SS18: variants seen among roughly 807,000 people sequenced by gnomAD.
SS18 encodes the protein SS18 subunit of BAF chromatin remodeling complex.
SS18 carries 28 observed loss-of-function variants against 72.5 expected under a neutral mutation model. The ratio of observed to expected loss-of-function variants is 0.39; its 90% CI spans 0.29 to 0.53. The LOEUF (loss-of-function observed/expected upper bound fraction) is 0.53, where lower values mean the gene tolerates loss of function less well. Ranked by LOEUF, SS18 falls within the 20% of genes least tolerant of loss-of-function variation. The pLI is 0.76. For missense variants in SS18, 518 were observed against 535.3 expected (o/e 0.97, Z 0.32); for synonymous variants, 172 against 164.2 (o/e 1.05, Z -0.37).
intron 10 of SS18, among the ~76,000 whole-genome samples, chr18:26,030,346 CTTATATAT>C (rs2053523282): frequency 1.3e-5 from 2 of 152,174 alleles, no homozygotes; most frequent in South Asian, 4.1e-4. Context: ...GTACTTCACA[CTTATATAT>C]AATATTTCCG....
chr18:26,087,718 C>T, intron 1 of SS18, 141 bp from the exon 2 acceptor site: 1 of 471,282 alleles, frequency 2.1e-6, no homozygotes, highest in South Asian at 4.8e-5. Context: ...AAATACTGTC[C>T]CCTGCAAACA....
At chr18:26,027,586 C>T (rs1259295995) in intron 10 of SS18, among the ~76,000 whole-genome samples, 6 of 141,488 alleles carry the variant, frequency 4.2e-5, no homozygotes, top group Non-Finnish European at 3.0e-5. Flanking sequence ...GCAGGAGAAT[C>T]GCTTGAACCC....
At chr18:26,064,542 A>G (rs530099109) in intron 3 of SS18, among the ~76,000 whole-genome samples, 157 of 139,308 alleles carry the variant, frequency 1.1e-3, no homozygotes, top group Non-Finnish European at 1.7e-3. Context: ...CAACAGATAA[A>G]GAAAAGAATT....
intron 4 of SS18, among the ~76,000 whole-genome samples, chr18:26,057,248 A>G (rs1282250639): frequency 2.0e-5 from 3 of 152,204 alleles, no homozygotes; most frequent in East Asian, 1.9e-4. Flanking sequence ...AAATGTTATA[A>G]TATCTTTTTT....
rs781045613 is a variant in SS18, at chr18:26,035,176, G to A, written c.974-49C>T. 6.3e-7 allele frequency: 1 copy of A among 1,599,620 alleles called. No individual in the cohort carries two copies. The highest frequency in any genetic ancestry group is 8.5e-7 in the Non-Finnish European group (1 of 1,171,502). On this transcript the variant is annotated intron_variant, in intron 8 of 10. Coordinates refer to ENST00000415083, the MANE Select transcript of SS18 (RefSeq NM_001007559.3). This position sits in a 1 kb window ranked among gnomAD's most constrained non-coding sequence, Gnocchi z 4.4. ...AAAAAAAACTGAGAAGTCTGCTTAA[G>A]TAACTTTTTTCCCTCTAAGATGCAT...
intron 3 of SS18, among the ~76,000 whole-genome samples, chr18:26,075,973 AT>A (rs1362570030): frequency 1.3e-5 from 2 of 151,918 alleles, no homozygotes. Context: ...GCCTCAAAAA[AT>A]ATAAAGTATT....
chr18:26,055,752 TTTTTTTTTTTTTTG>T (rs1427649335), intron 4 of SS18, among the ~76,000 whole-genome samples: 1 of 135,500 alleles, frequency 7.4e-6, no homozygotes, highest in Non-Finnish European at 1.6e-5. Flanking sequence ...ATTCTTTCTG[TTTTTTTTTTTTTTG>T]TTTTTTTTTT....
chr18:26,044,872 C>G (rs144794799), intron 5 of SS18, among the ~76,000 whole-genome samples: 1 of 152,168 alleles, frequency 6.6e-6, no homozygotes, highest in African/African-American at 2.4e-5. Context: ...ACTCTGAACA[C>G]TAAGGCTAAG....
At chr18:26,047,032 T>C (rs1939218797) in intron 5 of SS18, among the ~76,000 whole-genome samples, 1 of 152,196 alleles carries the variant, frequency 6.6e-6, no homozygotes, top group African/African-American at 2.4e-5. Context: ...CTGCAGTAAC[T>C]GATATTCATG....
intron 5 of SS18, among the ~76,000 whole-genome samples, chr18:26,052,274 A>C (rs1248036283): frequency 6.6e-6 from 1 of 152,222 alleles, no homozygotes; most frequent in Non-Finnish European, 1.5e-5. Flanking sequence ...AATTCATATA[A>C]ATTAATACAT....
chr18:26,067,800 A>C (rs2054245759), intron 3 of SS18, among the ~76,000 whole-genome samples: 1 of 151,676 alleles, frequency 6.6e-6, no homozygotes, highest in Admixed American at 6.6e-5. Flanking sequence ...TACCAAAAAG[A>C]CCAGTGGTCC....
At chr18:26,027,400 G>A (rs906731147) in intron 10 of SS18, among the ~76,000 whole-genome samples, 1 of 151,996 alleles carries the variant, frequency 6.6e-6, no homozygotes, top group Admixed American at 6.6e-5. Flanking sequence ...TGTAATCCCA[G>A]CACTCTAGGA....
intron 3 of SS18, among the ~76,000 whole-genome samples, chr18:26,071,787 C>T (rs1412098476): frequency 1.3e-5 from 2 of 152,010 alleles, no homozygotes; most frequent in South Asian, 2.1e-4. Flanking sequence ...ATGATCATGC[C>T]CCTATGCTCT....
intron 3 of SS18, among the ~76,000 whole-genome samples, chr18:26,063,068 G>A (rs1449871309): frequency 6.6e-6 from 1 of 152,182 alleles, no homozygotes; most frequent in African/African-American, 2.4e-5. Flanking sequence ...AATACACATT[G>A]TTCTCAAGTA....
chr18:26,018,588 CAA>C (rs1457224264), intron 10 of SS18, among the ~76,000 whole-genome samples: 1 of 151,998 alleles, frequency 6.6e-6, no homozygotes, highest in Non-Finnish European at 1.5e-5. Flanking sequence ...TTTCATAGTC[CAA>C]AATATGCTAG....
chr18:26,088,840 T>C (rs2054663223), intron 1 of SS18, among the ~76,000 whole-genome samples: 1 of 152,048 alleles, frequency 6.6e-6, no homozygotes, highest in Non-Finnish European at 1.5e-5. Context: ...ACATTAACTG[T>C]CACTTTTTTA....
In SS18 at chr18:26,057,644, T is replaced by C; in HGVS notation, c.330A>G (p.Val110=). Residue 110 remains valine, a synonymous_variant, in exon 4 of 11, where the codon GTA becomes GTG. Transcript: ENST00000415083. ...RSHNMPSDGM[V]GGGPPAPHMQ... The stretch of plus-strand genomic sequence containing the variant: ...TGTGCGGTGCAGGAGGACCCCCACC[T>C]ACCATTCCATCTGAAGGCATGTTGT... The C allele has an allele frequency of 6.2e-7, 1 of 1,613,714 alleles. No individual in the cohort carries two copies. Among genetic ancestry groups the C allele is most frequent in the Admixed American group, 1.7e-5 (1 of 59,988 alleles).
chr18:26,074,311 TA>T (rs199933029), intron 3 of SS18, among the ~76,000 whole-genome samples: 4,767 of 137,790 alleles, frequency 0.035, 222 homozygotes, highest in African/African-American at 0.12. Context: ...CAACTAACCT[TA>T]AAAAAAAAAA....
At chr18:26,072,505 AG>A (rs1357138894) in intron 3 of SS18, among the ~76,000 whole-genome samples, 11 of 152,186 alleles carry the variant, frequency 7.2e-5, no homozygotes, top group Non-Finnish European at 1.3e-4. Context: ...GCATTACTAA[AG>A]ATAAGAAGGG....
Sources: gnomAD v4.1 joint callset for allele counts (sites outside exome capture counted in the v4.1 genomes callset) on GRCh38, gnomAD v4.1.1 for gene constraint, Gnocchi (gnomAD v3.1) non-coding constraint, MANE v1.5 for transcripts, NCBI Gene and HGNC (gene_info 2026-07-23, HGNC 2026-07-21) for gene names.